Variants in DLC1 observed in about 807,000 individuals in gnomAD.
The protein encoded by DLC1 is rho GTPase-activating protein 7.
Under a neutral mutation model 140.3 loss-of-function variants are expected in DLC1, and 54 were observed. The ratio of observed to expected loss-of-function variants is 0.38; its 90% CI spans 0.31 to 0.48. The LOEUF is 0.48. DLC1 is among the 20% of genes least tolerant of loss of function. The pLI is 0.96. For missense variants in DLC1, 2,536 were observed against 1,907.0 expected (o/e 1.33, Z -6.14); for synonymous variants, 986 against 728.1 (o/e 1.35, Z -5.70).
intron 1 of DLC1, among the ~76,000 whole-genome samples, chr8:13,581,500 T>A (rs546264644): frequency 2.0e-5 from 3 of 152,352 alleles, no homozygotes; most frequent in African/African-American, 7.2e-5. Context: ...TGATGTACTA[T>A]GTCCAATCCA....
chr8:13,175,955 AAC>A lies in DLC1; in HGVS notation c.1349-60300_1349-60299del, dbSNP rs543022355. On this transcript the variant is annotated intron_variant, in intron 5 of 17. Coordinates refer to ENST00000276297, the MANE Select transcript of DLC1 (RefSeq NM_182643.3). ...TTTTTCATTTACAGAATGTTATATA[AAC>A]AGAGTCATATAGTATGTAGCACATC... 5.7e-3 allele frequency among the ~76,000 whole-genome samples: 870 copies of A among 152,304 alleles called. 13 individuals are homozygous for A. The highest frequency in any genetic ancestry group is 0.019 in the African/African-American group (799 of 41,558).
intron 4 of DLC1, among the ~76,000 whole-genome samples, chr8:13,344,559 C>T (rs1301621044): frequency 2.0e-5 from 3 of 152,184 alleles, no homozygotes; most frequent in African/African-American, 7.2e-5. Flanking sequence ...AAGTAGAATA[C>T]AGAGTACGGA....
intron 5 of DLC1, among the ~76,000 whole-genome samples, chr8:13,275,202 G>C (rs953101954): frequency 6.6e-6 from 1 of 152,194 alleles, no homozygotes; most frequent in African/African-American, 2.4e-5. Context: ...GTTTATGAGG[G>C]CATGAAACTA....
chr8:13,307,807 A>G (rs1832510801), intron 4 of DLC1, among the ~76,000 whole-genome samples: 1 of 152,228 alleles, frequency 6.6e-6, no homozygotes, highest in Admixed American at 6.5e-5. Context: ...AAGGTAAAGT[A>G]ACTTTTGTGA....
chr8:13,352,485 A>G (rs951890001), intron 4 of DLC1, among the ~76,000 whole-genome samples: 8 of 152,054 alleles, frequency 5.3e-5, no homozygotes, highest in African/African-American at 1.9e-4. Context: ...GGGCTCAAGC[A>G]GTCCTCCCAC....
chr8:13,259,215 G>A (rs1391033361), intron 5 of DLC1, among the ~76,000 whole-genome samples: 1 of 150,574 alleles, frequency 6.6e-6, no homozygotes, highest in African/African-American at 2.4e-5. Flanking sequence ...CATCACTCCA[G>A]TGGCACCTGA....
At chr8:13,141,255 T>TGAAAAAAAA (rs1822965742) in intron 5 of DLC1, among the ~76,000 whole-genome samples, 1 of 8,982 alleles carries the variant, frequency 1.1e-4, no homozygotes, top group Non-Finnish European at 2.1e-4. Flanking sequence ...AGAGTCTGTC[T>TGAAAAAAAA]CAAAAAAAAA....
chr8:13,555,599 C>G (rs1310940448), intron 1 of DLC1, among the ~76,000 whole-genome samples: 1 of 152,046 alleles, frequency 6.6e-6, no homozygotes, highest in Non-Finnish European at 1.5e-5. Context: ...ACAAGCGATT[C>G]TCCTGCCTCT....
chr8:13,394,894 A>G (rs1355040792), intron 3 of DLC1, among the ~76,000 whole-genome samples: 3 of 151,976 alleles, frequency 2.0e-5, no homozygotes, highest in Non-Finnish European at 4.4e-5. Flanking sequence ...GAATCTTACT[A>G]CCTCAGAGAA....
At chr8:13,302,613 G>C (rs113812763) in intron 5 of DLC1, among the ~76,000 whole-genome samples, 210 of 152,074 alleles carry the variant, frequency 1.4e-3, no homozygotes, top group African/African-American at 4.8e-3. Context: ...CACAAAGCCT[G>C]GTAGAGTTGG....
intron 5 of DLC1, among the ~76,000 whole-genome samples, chr8:13,231,757 T>C (rs1169160740): frequency 6.6e-6 from 1 of 152,214 alleles, no homozygotes. Context: ...ATCAGATTAG[T>C]TTTAAAATGT....
At chr8:13,214,582 C>G in intron 5 of DLC1, 2 of 599,892 alleles carry the variant, frequency 3.3e-6, no homozygotes, top group Non-Finnish European at 6.0e-6. Flanking sequence ...TTTGTGGCTG[C>G]CCGAGGAAAT....
intron 4 of DLC1, among the ~76,000 whole-genome samples, chr8:13,358,504 T>G (rs1319117178): frequency 6.6e-6 from 1 of 152,212 alleles, no homozygotes; most frequent in East Asian, 1.9e-4. Context: ...ATTATTAATT[T>G]GCCACCTAGT....
intron 4 of DLC1, among the ~76,000 whole-genome samples, chr8:13,327,550 G>A (rs374483666): frequency 4.7e-4 from 71 of 151,988 alleles, no homozygotes; most frequent in African/African-American, 1.2e-3. Context: ...GAACTCCTGG[G>A]TTCAAGCAAT....
intron 4 of DLC1, among the ~76,000 whole-genome samples, chr8:13,349,391 GAAGA>G (rs1834528732): frequency 6.6e-6 from 1 of 152,024 alleles, no homozygotes; most frequent in Admixed American, 6.6e-5. Context: ...AGCGAAAATG[GAAGA>G]AAGAAAGAAA....
intron 1 of DLC1, among the ~76,000 whole-genome samples, chr8:13,538,197 C>T (rs2898364): frequency 6.6e-6 from 1 of 151,784 alleles, no homozygotes; most frequent in Non-Finnish European, 1.5e-5. Context: ...GATAATATGA[C>T]GACCACCTGA....
At chr8:13,352,056 A>G (rs1417251151) in intron 4 of DLC1, among the ~76,000 whole-genome samples, 3 of 152,178 alleles carry the variant, frequency 2.0e-5, no homozygotes, top group African/African-American at 4.8e-5. Context: ...TTAAAATAAC[A>G]TTTATGTCTT....
At chr8:13,248,872 C>A (rs573880481) in intron 5 of DLC1, among the ~76,000 whole-genome samples, 1 of 152,174 alleles carries the variant, frequency 6.6e-6, no homozygotes, top group South Asian at 2.1e-4. Flanking sequence ...TTTTTCCCTC[C>A]CTGGGATGAC....
chr8:13,466,015 G>A (rs1384075738), intron 2 of DLC1, among the ~76,000 whole-genome samples: 1 of 152,146 alleles, frequency 6.6e-6, no homozygotes, highest in East Asian at 1.9e-4. Flanking sequence ...TCCTCCCTAG[G>A]GGGCAGCTAG....
Sources: gnomAD v4.1 joint callset for allele counts (sites outside exome capture counted in the v4.1 genomes callset) on GRCh38, gnomAD v4.1.1 for gene constraint, MANE v1.5 for transcripts, NCBI Gene and HGNC (gene_info 2026-07-23, HGNC 2026-07-21) for gene names.